Variants in USP34 observed in about 807,000 individuals in gnomAD.
USP34 encodes the protein ubiquitin specific peptidase 34.
A neutral mutation model predicts 460.3 loss-of-function variants in USP34; 70 were observed. The ratio of observed to expected loss-of-function variants is 0.15; its 90% CI spans 0.13 to 0.19. The LOEUF (loss-of-function observed/expected upper bound fraction) is 0.19, where lower values mean the gene tolerates loss of function less well. Among genes scored for constraint, USP34 ranks in the 10% least tolerant of loss-of-function variants. The pLI is 1.00. For missense variants in USP34, 3,985 were observed against 4,236.2 expected (o/e 0.94, Z 1.65); for synonymous variants, 1,647 against 1,405.3 (o/e 1.17, Z -3.85).
intron 5 of USP34, among the ~76,000 whole-genome samples, chr2:61,383,630 AC>A (rs1169906989): frequency 2.7e-5 from 4 of 149,718 alleles, no homozygotes; most frequent in African/African-American, 9.9e-5. Context: ...TTGAACCCCC[AC>A]CCCCGGGGGG....
chr2:61,243,796 G>T (rs951685486), intron 51 of USP34, among the ~76,000 whole-genome samples: 1 of 151,092 alleles, frequency 6.6e-6, no homozygotes, highest in African/African-American at 2.4e-5. Flanking sequence ...ACTTGAACCA[G>T]AAGTTGGAGG....
At chr2:61,395,421 T>A (rs915748011) in intron 3 of USP34, among the ~76,000 whole-genome samples, 188 bp from the exon 4 acceptor site, 1 of 152,314 alleles carries the variant, frequency 6.6e-6, no homozygotes, top group East Asian at 1.9e-4. Flanking sequence ...TAGTCCTCCT[T>A]TAAGTAGAAG....
intron 44 of USP34, among the ~76,000 whole-genome samples, 186 bp downstream of exon 44, chr2:61,259,525 C>T (rs1688814860): frequency 1.3e-5 from 2 of 151,158 alleles, no homozygotes; most frequent in Non-Finnish European, 2.9e-5. Flanking sequence ...GCAGCCGGGA[C>T]TACAGGCACG....
chr2:61,335,440 A>T (rs865789787), intron 18 of USP34, among the ~76,000 whole-genome samples: 3 of 152,224 alleles, frequency 2.0e-5, no homozygotes, highest in Non-Finnish European at 4.4e-5. Flanking sequence ...AGATAAAAAG[A>T]TTCAATGGGC....
chr2:61,247,015 G>A (rs1396650324), intron 49 of USP34, among the ~76,000 whole-genome samples: 2 of 152,056 alleles, frequency 1.3e-5, no homozygotes, highest in Admixed American at 6.5e-5. Flanking sequence ...CAATGTACTG[G>A]CAGCTTCCAA....
intron 18 of USP34, among the ~76,000 whole-genome samples, chr2:61,337,690 A>G (rs1328875037): frequency 1.3e-5 from 2 of 152,170 alleles, no homozygotes; most frequent in Admixed American, 1.3e-4. Context: ...TCCTGGACTC[A>G]TGCAATCCAC....
At chr2:61,387,876 C>A (rs371549912) in intron 5 of USP34, among the ~76,000 whole-genome samples, 16 of 146,920 alleles carry the variant, frequency 1.1e-4, no homozygotes, top group Non-Finnish European at 2.2e-4. Context: ...TTTACGTATA[C>A]GCATATGTAA....
At position 61,311,533 on chromosome 2, in the gene USP34, G is replaced by C; in HGVS notation, c.3817+7C>G. 1.3e-6 allele frequency: 2 copies of C among 1,504,976 alleles called. No individual in the cohort carries two copies. The highest frequency in any genetic ancestry group is 1.8e-6 in the Non-Finnish European group (2 of 1,125,126). The allele number at this position is 1,504,976 out of a possible 1,614,324, so 93.2% of individuals were successfully genotyped here. On this transcript the variant is annotated splice_region_variant and intron_variant, in intron 27 of 79. Coordinates refer to ENST00000398571, the MANE Select transcript of USP34 (RefSeq NM_014709.4). ...GAGAAAGAGAAAATTTGAATTGAAA[G>C]GCTTACCAGGAAACTCTCCTTTTCG...
intron 68 of USP34, among the ~76,000 whole-genome samples, chr2:61,213,033 AT>A (rs1244941408): frequency 2.6e-5 from 4 of 151,808 alleles, no homozygotes; most frequent in Non-Finnish European, 5.9e-5. Context: ...AGGGATTCTG[AT>A]TTTTTCTTTT....
rs1328738462 is a variant in USP34, at chr2:61,343,819, A to C, written c.2496T>G (p.Ser832Arg). The change falls in exon 16 of 80, where the codon AGT becomes AGG. Residue 832 changes from serine to arginine, a missense_variant. This residue lies in a region of USP34 where 716 missense variants were observed against 626.2 expected (regional missense o/e 1.14). Transcript: ENST00000398571. Reference protein sequence around the residue: ...NLASIYHEHLSQGPVVHKHQF... With the variant: ...NLASIYHEHLRQGPVVHKHQF... ...TTACTTACTGTAGAGTCTTACCTTG[A>C]CTAAGATGTTCATGGTAAATGGAAG... 2 of 1,613,678 alleles carry C rather than the reference A, an allele frequency of 1.2e-6. No homozygotes were observed. The highest frequency in any genetic ancestry group is 2.2e-5 in the East Asian group (1 of 44,814).
chr2:61,188,677 G>A lies in USP34; in HGVS notation c.10066C>T (p.Arg3356Cys). Residue 3356 changes from arginine (R) to cysteine (C), a missense_variant, in exon 80 of 80, where the codon CGT becomes TGT. Physicochemically the swap from Arg to Cys is radical, Grantham distance 180. This residue lies in a region of USP34 where 506 missense variants were observed against 439.0 expected (regional missense o/e 1.15). Coordinates refer to ENST00000398571, the MANE Select transcript of USP34 (RefSeq NM_014709.4). ...GTGTGCTCCTCATCACTGCTAACAC[G>A]CCGCCTTTTAATGGGAGTTGCTCCT... ...DEGATPIKRR[R>C]VSSDEEHTVD... The A allele has an allele frequency of 1.2e-6, 2 of 1,613,660 alleles. No homozygotes were observed. The highest frequency in any genetic ancestry group is 2.2e-5 in the East Asian group (1 of 44,870).
At chr2:61,243,603 G>C (rs1453209749) in intron 51 of USP34, among the ~76,000 whole-genome samples, 1 of 149,188 alleles carries the variant, frequency 6.7e-6, no homozygotes, top group African/African-American at 2.5e-5. Flanking sequence ...GCTGAGTACG[G>C]TGGCTCATGC....
Position 61,339,446 on chromosome 2 carries a change from T to C in USP34, c.2649A>G (p.Ala883=). ...VNLSEGLINE[A]EKLLCSLVCW... is the part of the protein sequence containing the mutation. ...ATACTAACGAACAAAGAAGTTTCTCTGCTTCATTTATTAATCCTTCAGAAA... is the reference window on the plus strand; with the variant it reads ...ATACTAACGAACAAAGAAGTTTCTCCGCTTCATTTATTAATCCTTCAGAAA... The change falls in exon 18 of 80, where the codon GCA becomes GCG. Residue 883 remains alanine, a synonymous_variant. Transcript: ENST00000398571. The C allele has an allele frequency of 6.3e-7, 1 of 1,599,602 alleles. No individual in the cohort carries two copies. The highest frequency in any genetic ancestry group is 8.5e-7 in the Non-Finnish European group (1 of 1,172,140).
intron 75 of USP34, among the ~76,000 whole-genome samples, chr2:61,197,099 A>AC (rs1686832202): frequency 6.6e-6 from 1 of 151,744 alleles, no homozygotes; most frequent in African/African-American, 2.4e-5. Context: ...ACATAGTGAA[A>AC]CCCCCACTCT....
chr2:61,243,180 CTT>C (rs957476633), intron 51 of USP34, among the ~76,000 whole-genome samples: 16 of 151,010 alleles, frequency 1.1e-4, no homozygotes, highest in Middle Eastern at 3.2e-3. Flanking sequence ...GAGTTTTGCT[CTT>C]GTTACCCAGG....
At chr2:61,294,530 T>G (rs572629877) in intron 32 of USP34, among the ~76,000 whole-genome samples, 2 of 151,214 alleles carry the variant, frequency 1.3e-5, no homozygotes, top group South Asian at 4.3e-4. Context: ...GTGATTCTCC[T>G]GCCTCAGCCA....
intron 1 of USP34, among the ~76,000 whole-genome samples, chr2:61,457,477 G>A (rs1477968766): frequency 1.3e-5 from 2 of 152,146 alleles, no homozygotes; most frequent in East Asian, 1.9e-4. Context: ...CCAAAGAAAC[G>A]GTTTTTTCTG....
Position 61,259,693 on chromosome 2 carries a change from C to T in USP34, c.5844+18G>A. 6 of 1,610,482 alleles carry T rather than the reference C, an allele frequency of 3.7e-6. No homozygotes were observed. Among genetic ancestry groups the T allele is most frequent in the Non-Finnish European group, 5.1e-6 (6 of 1,178,704 alleles). On this transcript the variant is annotated intron_variant, in intron 44 of 79. Coordinates refer to ENST00000398571, the MANE Select transcript of USP34 (RefSeq NM_014709.4). ...GAGCCACAGTGCCTGGCCTAGCCTC[C>T]ATGATTCTTAAACATACCATTAAAT...
chr2:61,324,149 T>C (rs1204901108), intron 21 of USP34, among the ~76,000 whole-genome samples: 1 of 152,086 alleles, frequency 6.6e-6, no homozygotes, highest in Non-Finnish European at 1.5e-5. Context: ...AAAAGAAGAA[T>C]GTAGAGAGTA....
Sources: gnomAD v4.1 joint callset for allele counts (sites outside exome capture counted in the v4.1 genomes callset) on GRCh38, gnomAD v4.1.1 for gene constraint, gnomAD v4.1.1 regional missense constraint, MANE v1.5 for transcripts, NCBI Gene and HGNC (gene_info 2026-07-23, HGNC 2026-07-21) for gene names.